The following ZC2HC1B variants were observed in gnomAD, a reference collection of about 807,000 sequenced individuals.
The protein encoded by ZC2HC1B is zinc finger C2HC-type containing 1B.
A neutral mutation model predicts 31.0 loss-of-function variants in ZC2HC1B; 36 were observed. The ratio of observed to expected loss-of-function variants is 1.16; its 90% CI spans 0.89 to 1.54. The LOEUF is 1.54. Among genes scored for constraint, ZC2HC1B ranks in the 40% most tolerant of loss-of-function variants. The pLI is 0.00. For missense variants in ZC2HC1B, 260 were observed against 268.6 expected (o/e 0.97, Z 0.22); for synonymous variants, 73 against 88.0 (o/e 0.83, Z 0.95).
rs889001168 is a variant in ZC2HC1B, at chr6:143,877,621, A to T, written c.29-6683A>T. On this transcript the variant is annotated intron_variant, in intron 1 of 7. Transcript: ENST00000237275. ...TTCTAAGAGTTATAATTTTCCTTTA[A>T]TTTTTTTTTTGTCTGTTTTGGACTT... Among the ~76,000 whole-genome samples the T allele has an allele frequency of 7.6e-5, 11 of 145,306 alleles. 1 individual carries two copies. Among genetic ancestry groups the T allele is most frequent in the Non-Finnish European group, 1.7e-4 (11 of 65,922 alleles).
At chr6:143,901,384 C>T (rs572790978) in intron 5 of ZC2HC1B, among the ~76,000 whole-genome samples, 17 of 149,486 alleles carry the variant, frequency 1.1e-4, no homozygotes, top group African/African-American at 4.2e-4. Flanking sequence ...CCCAGCCTTC[C>T]AAGTAGCTTG....
rs1320300069 is a variant in ZC2HC1B, at chr6:143,924,782, C to G, written c.599-12867C>G. ...CTTGAAATGATCATATTGTTTTTGT[C>G]TTTCATTCTGTTGTTGTGAGGTATC... On this transcript the variant is annotated intron_variant, in intron 6 of 7. Transcript: ENST00000237275. The surrounding 1 kb of genome is among the most constrained non-coding windows in gnomAD (Gnocchi z 5.2). 6.6e-6 allele frequency among the ~76,000 whole-genome samples: 1 copy of G among 152,146 alleles called. No homozygotes were observed. The highest frequency in any genetic ancestry group is 1.5e-5 in the Non-Finnish European group (1 of 68,016).
In ZC2HC1B at chr6:143,915,992, C is replaced by T. The variant is rs1156465170; in HGVS notation, c.598+12840C>T. On this transcript the variant is annotated intron_variant, in intron 6 of 7. Transcript: ENST00000237275. The surrounding 1 kb of genome is among the most constrained non-coding windows in gnomAD (Gnocchi z 5.2). ...GGTAATGAGGAGCTGAATGTTAGTC[C>T]CCAAGACAATGAGGAAAATGTCTCC... Among the ~76,000 whole-genome samples, 1 of 152,108 alleles carries T rather than the reference C, an allele frequency of 6.6e-6. No individual in the cohort carries two copies. The highest frequency in any genetic ancestry group is 1.5e-5 in the Non-Finnish European group (1 of 68,024).
At chr6:143,898,238 G>T (rs1010624043) in intron 4 of ZC2HC1B, among the ~76,000 whole-genome samples, 3 of 152,000 alleles carry the variant, frequency 2.0e-5, no homozygotes, top group African/African-American at 7.3e-5. Context: ...CTGGAGTGCT[G>T]TGGCATGATC....
At chr6:143,892,294 GCT>G (rs1777610181) in intron 4 of ZC2HC1B, among the ~76,000 whole-genome samples, 1 of 148,952 alleles carries the variant, frequency 6.7e-6, no homozygotes, top group Admixed American at 6.7e-5. Flanking sequence ...GGAGTGACAG[GCT>G]CTTTTTTTTT....
intron 6 of ZC2HC1B, among the ~76,000 whole-genome samples, chr6:143,936,916 A>C (rs1435608330): frequency 6.6e-6 from 1 of 152,248 alleles, no homozygotes; most frequent in African/African-American, 2.4e-5. Context: ...TAAAACTAAC[A>C]CTGAAAGCTC....
intron 5 of ZC2HC1B, among the ~76,000 whole-genome samples, chr6:143,902,302 A>G (rs1203188517): frequency 1.3e-5 from 2 of 152,234 alleles, no homozygotes; most frequent in African/African-American, 4.8e-5. Flanking sequence ...TCTATTTTAA[A>G]CATAATCAAC....
chr6:143,928,527 T>A (rs1421027168), intron 6 of ZC2HC1B, among the ~76,000 whole-genome samples: 1 of 152,128 alleles, frequency 6.6e-6, no homozygotes, highest in Non-Finnish European at 1.5e-5. Flanking sequence ...TATAGTATAA[T>A]GTGGAGTTAG....
intron 6 of ZC2HC1B, among the ~76,000 whole-genome samples, chr6:143,904,562 A>G (rs534011174): frequency 3.5e-4 from 54 of 152,248 alleles, no homozygotes; most frequent in African/African-American, 1.3e-3. Context: ...AGTTCTCACT[A>G]TGCTGATATT....
chr6:143,936,319 A>T (rs1000658765), intron 6 of ZC2HC1B, among the ~76,000 whole-genome samples: 11 of 152,230 alleles, frequency 7.2e-5, no homozygotes, highest in Admixed American at 1.3e-4. Context: ...TGTACTATTC[A>T]TATCTCTATT....
At chr6:143,901,048 A>G (rs9484826) in intron 5 of ZC2HC1B, among the ~76,000 whole-genome samples, 18,427 of 151,764 alleles carry the variant, frequency 0.12, 2,090 homozygotes, top group African/African-American at 0.3. Context: ...CATGTTGGCC[A>G]GGCTGGTCAC....
rs1438599727 is a variant in ZC2HC1B at position 143,911,902 on chromosome 6, C to A, written c.598+8750C>A. On this transcript the variant is annotated intron_variant, in intron 6 of 7. Transcript: ENST00000237275. The surrounding 1 kb of genome is among the most constrained non-coding windows in gnomAD (Gnocchi z 4.5). Reference sequence around the variant, plus strand: ...TTCTCTCTGTCTCTTTCAGGTACCCCAATCAGTTGTAGATTTGGTCTCTTT... The same window carrying A: ...TTCTCTCTGTCTCTTTCAGGTACCCAAATCAGTTGTAGATTTGGTCTCTTT... 6.6e-6 allele frequency among the ~76,000 whole-genome samples: 1 copy of A among 152,154 alleles called. No homozygotes were observed. The highest frequency in any genetic ancestry group is 1.5e-5 in the Non-Finnish European group (1 of 68,034).
chr6:143,898,520 T>G, intron 4 of ZC2HC1B, 32 bp from the exon 5 acceptor site: 1 of 1,549,686 alleles, frequency 6.5e-7, no homozygotes, highest in East Asian at 2.4e-5. Flanking sequence ...TTTGAAGTGC[T>G]AATTGCCATT....
At chr6:143,881,136 T>C (rs1175766343) in intron 1 of ZC2HC1B, among the ~76,000 whole-genome samples, 1 of 152,132 alleles carries the variant, frequency 6.6e-6, no homozygotes, top group Non-Finnish European at 1.5e-5. Context: ...GTGTCCTATC[T>C]CTCTAATTTT....
Position 143,886,723 on chromosome 6 carries a change from A to G in ZC2HC1B, c.251A>G (p.Glu84Gly). Residue 84 changes from glutamate (E) to glycine (G), a missense_variant, in exon 4 of 8, where the codon GAA becomes GGA. Glu to Gly is a moderately conservative substitution (Grantham distance 98). Coordinates refer to ENST00000237275, the MANE Select transcript of ZC2HC1B (RefSeq NM_001013623.3). This position sits in a 1 kb window ranked among gnomAD's most constrained non-coding sequence, Gnocchi z 4.2. ...VRKSNWRQQH[E>G]DFINAIRSAK... ...AAGTCTAACTGGAGACAACAACATG[A>G]AGACTTTATTAATGCAATCCGATCA... 1 of 1,547,402 alleles carries G rather than the reference A, an allele frequency of 6.5e-7. No individual in the cohort carries two copies. The highest frequency in any genetic ancestry group is 8.7e-7 in the Non-Finnish European group (1 of 1,145,034).
intron 6 of ZC2HC1B, among the ~76,000 whole-genome samples, chr6:143,929,795 A>G (rs1362085852): frequency 2.0e-5 from 3 of 151,936 alleles, no homozygotes; most frequent in Non-Finnish European, 2.9e-5. Context: ...CAGGATTTCT[A>G]TTTCTTCCTG....
At chr6:143,900,390 CAAAAAA>C (rs200482247) in intron 5 of ZC2HC1B, among the ~76,000 whole-genome samples, 2 of 84,412 alleles carry the variant, frequency 2.4e-5, no homozygotes, top group Non-Finnish European at 4.8e-5. Flanking sequence ...AACTCCGTCT[CAAAAAA>C]AAAAAAAAAG....
chr6:143,933,048 G>A lies in ZC2HC1B; in HGVS notation c.599-4601G>A, dbSNP rs1204931272. Among the ~76,000 whole-genome samples, 1 of 152,206 alleles carries A rather than the reference G, an allele frequency of 6.6e-6. No homozygotes were observed. Among genetic ancestry groups the A allele is most frequent in the Non-Finnish European group, 1.5e-5 (1 of 68,038 alleles). On this transcript the variant is annotated intron_variant, in intron 6 of 7. Transcript: ENST00000237275. This position sits in a 1 kb window ranked among gnomAD's most constrained non-coding sequence, Gnocchi z 6.4. ...AGCACCTGTTCTGATGGAGGTGGCAGGGGAGTCAGGTAGACTCTGTGAGAG... is the reference window on the plus strand; with the variant it reads ...AGCACCTGTTCTGATGGAGGTGGCAAGGGAGTCAGGTAGACTCTGTGAGAG...
chr6:143,879,080 C>T (rs1446583244), intron 1 of ZC2HC1B, among the ~76,000 whole-genome samples: 1 of 152,156 alleles, frequency 6.6e-6, no homozygotes, highest in Non-Finnish European at 1.5e-5. Context: ...CCCCTTGGTC[C>T]TCCATATTTT....
Sources: gnomAD v4.1 joint callset for allele counts (sites outside exome capture counted in the v4.1 genomes callset) on GRCh38, gnomAD v4.1.1 for gene constraint, Gnocchi (gnomAD v3.1) non-coding constraint, MANE v1.5 for transcripts, NCBI Gene and HGNC (gene_info 2026-07-23, HGNC 2026-07-21) for gene names.